The following MATN4 variants were observed in gnomAD, a reference collection of about 807,000 sequenced individuals.
MATN4 encodes matrilin 4.
A neutral mutation model predicts 54.6 loss-of-function variants in MATN4; 40 were observed. The ratio of observed to expected loss-of-function variants is 0.73; its 90% CI spans 0.57 to 0.95. MATN4 has a LOEUF of 0.95. Among genes scored for constraint, MATN4 ranks in the 40% least tolerant of loss-of-function variants. The pLI is 0.00. For synonymous variants in MATN4, 351 were observed against 345.3 expected, an observed-to-expected ratio of 1.02 and a Z score of -0.18; for missense variants, 810 against 819.1, an observed-to-expected ratio of 0.99 and a Z score of 0.13.
At chr20:45,296,214 C>CAAAAA (rs71181820) in intron 8 of MATN4, among the ~76,000 whole-genome samples, 2 of 35,480 alleles carry the variant, frequency 5.6e-5, no homozygotes, top group African/African-American at 1.0e-4. Context: ...GACTCCATCT[C>CAAAAA]AAAAAAAAAA....
At chr20:45,303,653 G>A (rs1986383750) in intron 3 of MATN4, 2 of 594,494 alleles carry the variant, frequency 3.4e-6, no homozygotes, top group South Asian at 2.0e-5. Flanking sequence ...GAGAAGGGCC[G>A]TACCAAGTGA....
Position 45,304,675 on chromosome 20 carries a change from C to G in MATN4, c.196G>C (p.Val66Leu), listed in dbSNP as rs759385918. 6.2e-7 allele frequency: 1 copy of G among 1,612,860 alleles called. No individual in the cohort carries two copies. Among genetic ancestry groups the G allele is most frequent in the Non-Finnish European group, 8.5e-7 (1 of 1,179,340 alleles). ...CCAACGCGCGTGGCGTTGGGACCCACGTTCAGGCCTCGGAGGAGGCCCATG... is the reference window on the plus strand; with the variant it reads ...CCAACGCGCGTGGCGTTGGGACCCAGGTTCAGGCCTCGGAGGAGGCCCATG... ...FLMGLLRGLN[V>L]GPNATRVGVI... Residue 66 changes from valine to leucine, a missense_variant, in exon 3 of 10, where the codon GTG (valine) becomes CTG (leucine). Val to Leu is a conservative substitution (Grantham distance 32). Coordinates refer to ENST00000372756, the MANE Select transcript of MATN4 (RefSeq NM_001393530.1).
intron 6 of MATN4, 49 bp downstream of exon 6, chr20:45,300,838 T>G: frequency 1.2e-6 from 2 of 1,605,698 alleles, no homozygotes; most frequent in Non-Finnish European, 1.7e-6. Context: ...ACTCCAAATG[T>G]GGGCAATGGG....
At chr20:45,306,842 G>A in intron 1 of MATN4, 2 of 1,034,316 alleles carry the variant, frequency 1.9e-6, no homozygotes, top group Non-Finnish European at 2.5e-6. Context: ...GAGGAGCAGG[G>A]GTGTGCAGGG....
rs190805938 is a variant in MATN4 at position 45,296,960 on chromosome 20, A to G, written c.1579+958T>C. On this transcript the variant is annotated intron_variant, in intron 8 of 9. Coordinates refer to ENST00000372756, the MANE Select transcript of MATN4 (RefSeq NM_001393530.1). ...AACCTCCACCTCCCAGGTTCAAGCAATTCTCCTGCCTCAGTGCCCACCACC... is the reference window on the plus strand; with the variant it reads ...AACCTCCACCTCCCAGGTTCAAGCAGTTCTCCTGCCTCAGTGCCCACCACC... 3.3e-5 allele frequency among the ~76,000 whole-genome samples: 5 copies of G among 151,870 alleles called. No homozygotes were observed. The East Asian group carries it at 7.8e-4, about 24-fold the overall frequency.
Position 45,298,997 on chromosome 20 carries a change from C to G in MATN4, c.1013-414G>C, listed in dbSNP as rs1236473807. ...CATGTGGTAGGTACTGGGTGAAGTG[C>G]TTATATATATTCTCAATCCTCCCAA... On this transcript the variant is annotated intron_variant, in intron 6 of 9. Transcript: ENST00000372756. The surrounding 1 kb of genome is among the most constrained non-coding windows in gnomAD (Gnocchi z 4.6). Among the ~76,000 whole-genome samples, 1 of 152,098 alleles carries G rather than the reference C, an allele frequency of 6.6e-6. No homozygotes were observed. The highest frequency in any genetic ancestry group is 6.5e-5 in the Admixed American group (1 of 15,274).
intron 3 of MATN4, among the ~76,000 whole-genome samples, chr20:45,303,748 C>T (rs1446045471): frequency 6.6e-6 from 1 of 152,248 alleles, no homozygotes; most frequent in East Asian, 1.9e-4. Context: ...CGTCAGTGGG[C>T]TGGGACAGGA....
At position 45,308,254 on chromosome 20, in the gene MATN4, AACGGCGG is replaced by A; in HGVS notation, c.-121_-115del. On this transcript the variant is annotated 5_prime_UTR_variant, in exon 1 of 10. Transcript: ENST00000372756. ...AGCCTCCCGGGCACTTGGACCAGGTAACGGCGGCGTGGCAGCGTGCCCTAGGTGGGGA... is the reference window on the plus strand; with the variant it reads ...AGCCTCCCGGGCACTTGGACCAGGTACGTGGCAGCGTGCCCTAGGTGGGGA... 6.2e-7 allele frequency: 1 copy of A among 1,603,018 alleles called. No homozygotes were observed.
intron 1 of MATN4, 75 bp from the exon 2 acceptor site, chr20:45,305,691 G>A (rs45466792): frequency 0.018 from 12,002 of 655,128 alleles, 162 homozygotes; most frequent in Non-Finnish European, 0.024. Context: ...CACTTGGAGG[G>A]GGAAGACAGT....
chr20:45,307,787 G>A (rs912617583), intron 1 of MATN4, among the ~76,000 whole-genome samples: 3 of 152,170 alleles, frequency 2.0e-5, no homozygotes, highest in Non-Finnish European at 2.9e-5. Flanking sequence ...GGTACATGGC[G>A]ATGTCGTGGC....
At chr20:45,306,567 G>A (rs113247234) in intron 1 of MATN4, among the ~76,000 whole-genome samples, 15 of 152,232 alleles carry the variant, frequency 9.9e-5, no homozygotes, top group African/African-American at 3.6e-4. Context: ...AACCGCAGGC[G>A]GCAGGGAGGG....
chr20:45,308,339 G>T, upstream of MATN4: 1 of 883,186 alleles, frequency 1.1e-6, no homozygotes, highest in Non-Finnish European at 1.9e-6. Context: ...ACCCAGGGCT[G>T]GCGGGTGGGG....
chr20:45,301,909 T>C (rs903677835), intron 3 of MATN4, among the ~76,000 whole-genome samples: 2 of 150,932 alleles, frequency 1.3e-5, no homozygotes, highest in Non-Finnish European at 2.9e-5. Flanking sequence ...GATGAGTAAC[T>C]CTGTGGGTTG....
At chr20:45,304,161 G>T in intron 3 of MATN4, 67 bp downstream of exon 3, 2 of 1,338,988 alleles carry the variant, frequency 1.5e-6, no homozygotes, top group South Asian at 1.7e-5. Flanking sequence ...GATTTACTGT[G>T]GTGGGAAAGG....
At chr20:45,305,915 G>A (rs554911500) in intron 1 of MATN4, among the ~76,000 whole-genome samples, 1 of 145,172 alleles carries the variant, frequency 6.9e-6, no homozygotes, top group South Asian at 2.2e-4. Flanking sequence ...GCGATTCTCC[G>A]GCCTCAGCCT....
chr20:45,304,525 C>A lies in MATN4; in HGVS notation c.346G>T (p.Ala116Ser). Residue 116 changes from alanine (A) to serine (S), a missense_variant, in exon 3 of 10, where the codon GCA becomes TCA. Coordinates refer to ENST00000372756, the MANE Select transcript of MATN4 (RefSeq NM_001393530.1). Reference protein sequence around the residue: ...PLAQGTMTGLAIQYAMNVAFS... With the variant: ...PLAQGTMTGLSIQYAMNVAFS... ...GCCACGTTCATGGCGTACTGGATTG[C>A]CAGTCCCGTCATGGTGCCTTGCGCC... 1 of 1,592,842 alleles carries A rather than the reference C, an allele frequency of 6.3e-7. No individual in the cohort carries two copies. Among genetic ancestry groups the A allele is most frequent in the Non-Finnish European group, 8.6e-7 (1 of 1,163,786 alleles).
At chr20:45,295,315 T>C (rs1457654432) in intron 8 of MATN4, among the ~76,000 whole-genome samples, 1 of 152,144 alleles carries the variant, frequency 6.6e-6, no homozygotes, top group African/African-American at 2.4e-5. Context: ...CGTGTAGGAA[T>C]TTATCAAAAA....
intron 3 of MATN4, among the ~76,000 whole-genome samples, chr20:45,303,097 A>AAAAAAG (rs1568877753): frequency 6.8e-6 from 1 of 147,450 alleles, no homozygotes; most frequent in Non-Finnish European, 1.5e-5. Context: ...AAAAAAAAAA[A>AAAAAAG]AAAAAAAGAG....
chr20:45,298,074 C>A lies in MATN4; in HGVS notation c.1427-4G>T, dbSNP rs771551621. ...CCCACGGCGTACATGACGATGCCTG[C>A]AAGGCCGGGGTCTCAGAGGGTGCCC... On this transcript the variant is annotated splice_region_variant and splice_polypyrimidine_tract_variant and intron_variant, in intron 7 of 9. Coordinates refer to ENST00000372756, the MANE Select transcript of MATN4 (RefSeq NM_001393530.1). The surrounding 1 kb of genome is among the most constrained non-coding windows in gnomAD (Gnocchi z 4.6). The A allele has an allele frequency of 6.2e-7, 1 of 1,611,892 alleles. No homozygotes were observed. Among genetic ancestry groups the A allele is most frequent in the Non-Finnish European group, 8.5e-7 (1 of 1,178,804 alleles).
Sources: gnomAD v4.1 joint callset for allele counts (sites outside exome capture counted in the v4.1 genomes callset) on GRCh38, gnomAD v4.1.1 for gene constraint, Gnocchi (gnomAD v3.1) non-coding constraint, MANE v1.5 for transcripts, NCBI Gene and HGNC (gene_info 2026-07-23, HGNC 2026-07-21) for gene names.